ATP9A: variants seen among roughly 807,000 people sequenced by gnomAD.
ATP9A encodes ATPase phospholipid transporting 9A.
Under a neutral mutation model 144.1 loss-of-function variants are expected in ATP9A, and 52 were observed. The ratio of observed to expected loss-of-function variants is 0.36; its 90% CI spans 0.29 to 0.45. The LOEUF (loss-of-function observed/expected upper bound fraction) is 0.45, where lower values mean the gene tolerates loss of function less well. ATP9A is among the 20% of genes least tolerant of loss of function. The pLI is 1.00. For missense variants in ATP9A, 947 were observed against 1,392.7 expected (o/e 0.68, Z 5.09); for synonymous variants, 582 against 557.4 (o/e 1.04, Z -0.62).
intron 1 of ATP9A, among the ~76,000 whole-genome samples, chr20:51,743,731 C>T (rs565249306): frequency 0.098 from 26 of 264 alleles, no homozygotes; most frequent in East Asian, 0.41. Flanking sequence ...GAAATTAGGC[C>T]GGGCACGGTC....
At chr20:51,643,059 T>A (rs1218382075) in intron 14 of ATP9A, among the ~76,000 whole-genome samples, 1 of 152,182 alleles carries the variant, frequency 6.6e-6, no homozygotes, top group Non-Finnish European at 1.5e-5. Context: ...TCTTTATGCA[T>A]CCTTAGTCTA....
rs184611899 is a variant in ATP9A, at chr20:51,599,176, C to T, written c.*2035G>A. ...GCCCTGCCTGCAGGAGCCAGCATCC[C>T]GAATCTCCGAGCAAAGCCAGGTACA... On this transcript the variant is annotated 3_prime_UTR_variant, in exon 28 of 28. Coordinates refer to ENST00000338821, the MANE Select transcript of ATP9A (RefSeq NM_006045.3). 1.3e-5 allele frequency: 2 copies of T among 152,320 alleles called. No homozygotes were observed. Among genetic ancestry groups the T allele is most frequent in the East Asian group, 1.9e-4 (1 of 5,184 alleles). The allele number at this position is 152,320 out of a possible 1,614,324, so 9.4% of individuals were successfully genotyped here. A position where few individuals can be genotyped will look rare whatever the true frequency, so the allele number is the denominator to read the frequency against.
intron 6 of ATP9A, among the ~76,000 whole-genome samples, chr20:51,695,786 G>C (rs986595667): frequency 6.6e-6 from 1 of 152,098 alleles, no homozygotes; most frequent in Non-Finnish European, 1.5e-5. Context: ...ACACTTCCTC[G>C]TCCCAACTCC....
intron 1 of ATP9A, among the ~76,000 whole-genome samples, chr20:51,742,811 G>C (rs2077790905): frequency 6.6e-6 from 1 of 152,162 alleles, no homozygotes; most frequent in Non-Finnish European, 1.5e-5. Context: ...CGCCGCACCT[G>C]GCCCCTCCTT....
At chr20:51,732,881 C>G (rs959736965) in intron 1 of ATP9A, among the ~76,000 whole-genome samples, 1 of 151,600 alleles carries the variant, frequency 6.6e-6, no homozygotes, top group Non-Finnish European at 1.5e-5. Context: ...TGACAGAAAG[C>G]GCATCACCGT....
At chr20:51,748,393 G>A (rs6096556) in intron 1 of ATP9A, among the ~76,000 whole-genome samples, 1 of 152,004 alleles carries the variant, frequency 6.6e-6, no homozygotes, top group African/African-American at 2.4e-5. Flanking sequence ...TAAACACAGG[G>A]TCCAGTGGGA....
intron 14 of ATP9A, among the ~76,000 whole-genome samples, chr20:51,649,685 C>A (rs1035154331): frequency 6.6e-6 from 1 of 152,024 alleles, no homozygotes; most frequent in African/African-American, 2.4e-5. Flanking sequence ...GAGGCCAAGG[C>A]GGGCAGATCA....
At chr20:51,725,751 A>T in intron 3 of ATP9A, 68 bp downstream of exon 3, 1 of 1,131,724 alleles carries the variant, frequency 8.8e-7, no homozygotes, top group Non-Finnish European at 1.3e-6. Flanking sequence ...TGCCTAAGTG[A>T]GAGAAACAAA....
At chr20:51,661,010 C>G (rs2077408301) in intron 13 of ATP9A, among the ~76,000 whole-genome samples, 1 of 152,192 alleles carries the variant, frequency 6.6e-6, no homozygotes, top group South Asian at 2.1e-4. Context: ...CAGAACCAAG[C>G]ACAGGTCACT....
intron 14 of ATP9A, among the ~76,000 whole-genome samples, chr20:51,651,861 G>A (rs1986120): frequency 0.45 from 68,293 of 151,902 alleles, 16,829 homozygotes; most frequent in East Asian, 0.8. Context: ...CCCGGGAGGC[G>A]GAGATTGCAG....
intron 1 of ATP9A, among the ~76,000 whole-genome samples, chr20:51,755,366 C>T (rs1471004154): frequency 1.3e-5 from 2 of 151,752 alleles, no homozygotes; most frequent in Non-Finnish European, 2.9e-5. Context: ...ACCCAGGAGG[C>T]GGAGGTTGCA....
chr20:51,611,915 G>C lies in ATP9A; in HGVS notation c.2572-1750C>G, dbSNP rs998658112. Among the ~76,000 whole-genome samples, 5 of 152,218 alleles carry C rather than the reference G, an allele frequency of 3.3e-5. No individual in the cohort carries two copies. The highest frequency in any genetic ancestry group is 7.3e-5 in the Non-Finnish European group (5 of 68,038). On this transcript the variant is annotated intron_variant, in intron 23 of 27. Transcript: ENST00000338821. This position sits in a 1 kb window ranked among gnomAD's most constrained non-coding sequence, Gnocchi z 4.2. Reference sequence around the variant, plus strand: ...ATAAAATCACCCCCAAAAAACTGGGGTGTAGCCAGTGGACGGAAAATTCTC... The same window carrying C: ...ATAAAATCACCCCCAAAAAACTGGGCTGTAGCCAGTGGACGGAAAATTCTC...
At chr20:51,642,304 G>A (rs2077323014) in intron 14 of ATP9A, among the ~76,000 whole-genome samples, 1 of 151,946 alleles carries the variant, frequency 6.6e-6, no homozygotes, top group South Asian at 2.1e-4. Flanking sequence ...ACAGGCACCT[G>A]CCATCACATC....
intron 1 of ATP9A, among the ~76,000 whole-genome samples, chr20:51,758,916 C>T (rs958410201): frequency 6.6e-6 from 1 of 152,062 alleles, no homozygotes; most frequent in African/African-American, 2.4e-5. Flanking sequence ...CAGAAGGAGA[C>T]TCTGTCTCAA....
chr20:51,642,726 C>CAAAAAAAAAAAAAAAAAAAAAAA (rs778440862), intron 14 of ATP9A, among the ~76,000 whole-genome samples: 1 of 31,144 alleles, frequency 3.2e-5, no homozygotes, highest in Non-Finnish European at 7.4e-5. Context: ...ACTCTGTCTC[C>CAAAAAAAAAAAAAAAAAAAAAAA]AAAAAAAAAA....
At chr20:51,624,971 C>A (rs1038835429) in intron 18 of ATP9A, among the ~76,000 whole-genome samples, 1 of 148,140 alleles carries the variant, frequency 6.8e-6, no homozygotes, top group Non-Finnish European at 1.5e-5. Flanking sequence ...TGCCACTGCA[C>A]TCCAGCCTGG....
At chr20:51,726,501 T>C (rs1457300486) in intron 2 of ATP9A, among the ~76,000 whole-genome samples, 1 of 151,178 alleles carries the variant, frequency 6.6e-6, no homozygotes, top group Admixed American at 6.6e-5. Context: ...TTCAGAAGAG[T>C]AGTTACTTCC....
intron 15 of ATP9A, among the ~76,000 whole-genome samples, chr20:51,638,293 G>GAAA (rs11477244): frequency 8.2e-6 from 1 of 121,472 alleles, no homozygotes; most frequent in Non-Finnish European, 1.7e-5. Context: ...ATTTGTCAAG[G>GAAA]AAAAAAAAAA....
In ATP9A at chr20:51,676,217, GAAAAAAGAAAAAAA is replaced by G. The variant is rs771461936; in HGVS notation, c.800-23_800-10del. The G allele has an allele frequency of 1.1e-4, 159 of 1,456,204 alleles. No homozygotes were observed. Among genetic ancestry groups the G allele is most frequent in the South Asian group, 1.5e-4 (11 of 73,700 alleles). 90.2% of individuals were successfully genotyped at this position (1,456,204 alleles called of 1,614,324 possible). ...AACACCCACAACAGTACCTAAAATG[GAAAAAAGAAAAAAA>G]AAAAAAGAAAAGAAATATTAATACA... On this transcript the variant is annotated splice_polypyrimidine_tract_variant and intron_variant, in intron 9 of 27. Coordinates refer to ENST00000338821, the MANE Select transcript of ATP9A (RefSeq NM_006045.3).
Sources: allele counts gnomAD v4.1 joint callset (sites outside exome capture counted in the v4.1 genomes callset), GRCh38; gene constraint gnomAD v4.1.1; non-coding constraint Gnocchi (gnomAD v3.1); transcripts MANE v1.5; gene names NCBI Gene and HGNC (gene_info 2026-07-23, HGNC 2026-07-21).